The following FNIP1 variants were observed in gnomAD, a reference collection of about 807,000 sequenced individuals.
FNIP1 encodes the protein folliculin-interacting protein 1.
A neutral mutation model predicts 124.5 loss-of-function variants in FNIP1; 40 were observed. The ratio of observed to expected loss-of-function variants is 0.32; its 90% CI spans 0.25 to 0.42. The LOEUF is 0.42. Among genes scored for constraint, FNIP1 ranks in the 10% least tolerant of loss-of-function variants. FNIP1 has a pLI of 1.00. For synonymous variants in FNIP1, 472 were observed against 470.6 expected, an observed-to-expected ratio of 1.00 and a Z score of -0.04; for missense variants, 1,176 against 1,403.7, an observed-to-expected ratio of 0.84 and a Z score of 2.59.
Position 131,718,746 on chromosome 5 carries a change from G to A in FNIP1, c.530+240C>T, listed in dbSNP as rs1028692277. ...AAAAATCAGCATGTTGCCCTAAGAC[G>A]GAAATCCATTCAACATTCTACTTCC... On this transcript the variant is annotated intron_variant, in intron 5 of 17. Transcript: ENST00000510461. 2.8e-4 allele frequency among the ~76,000 whole-genome samples: 43 copies of A among 152,156 alleles called. 1 individual carries two copies. Among genetic ancestry groups the A allele is most frequent in the Non-Finnish European group, 5.4e-4 (37 of 68,034 alleles).
At chr5:131,754,903 G>C (rs575185379) in intron 1 of FNIP1, among the ~76,000 whole-genome samples, 1 of 152,324 alleles carries the variant, frequency 6.6e-6, no homozygotes, top group African/African-American at 2.4e-5. Flanking sequence ...AAGGGATAGA[G>C]CTAGATCTTA....
chr5:131,696,088 C>G (rs1037048261), intron 11 of FNIP1, among the ~76,000 whole-genome samples: 4 of 152,148 alleles, frequency 2.6e-5, no homozygotes, highest in Admixed American at 6.5e-5. Context: ...TCATCTCAAG[C>G]AAATAATCCT....
chr5:131,693,100 A>T (rs990778494), intron 11 of FNIP1, among the ~76,000 whole-genome samples: 4 of 151,026 alleles, frequency 2.6e-5, no homozygotes, highest in African/African-American at 4.9e-5. Flanking sequence ...ATATACTGGA[A>T]TATTGCTAAG....
At chr5:131,738,059 T>G (rs913737236) in intron 2 of FNIP1, among the ~76,000 whole-genome samples, 5 of 152,188 alleles carry the variant, frequency 3.3e-5, no homozygotes, top group Non-Finnish European at 7.4e-5. Context: ...TCAGTATAGG[T>G]TTTTTTGCTT....
chr5:131,765,159 T>C (rs1186504990), intron 1 of FNIP1, among the ~76,000 whole-genome samples: 1 of 152,026 alleles, frequency 6.6e-6, no homozygotes, highest in African/African-American at 2.4e-5. Context: ...GAGGTCCAGA[T>C]TGCAGTGAGC....
chr5:131,710,659 G>C lies in FNIP1; in HGVS notation c.625C>G (p.Leu209Val). Residue 209 changes from leucine (L) to valine (V), a missense_variant and splice_region_variant, in exon 7 of 18, where the codon CTT becomes GTT. By Grantham distance (32) the Leu-to-Val change is conservative. Transcript: ENST00000510461. ...CGCCTGGGGCTGCAGAACTGTGAAAGACCTACATGGCAAAAACGTAAAATA... is the reference window on the plus strand; with the variant it reads ...CGCCTGGGGCTGCAGAACTGTGAAACACCTACATGGCAAAAACGTAAAATA... Reference protein sequence around the residue: ...VINGLLGNIGLSQFCSPRRAF... With the variant: ...VINGLLGNIGVSQFCSPRRAF... The C allele has an allele frequency of 6.2e-7, 1 of 1,613,418 alleles. No homozygotes were observed. The highest frequency in any genetic ancestry group is 1.1e-5 in the South Asian group (1 of 90,924).
chr5:131,715,264 T>A (rs1769429094), intron 6 of FNIP1, among the ~76,000 whole-genome samples: 1 of 152,136 alleles, frequency 6.6e-6, no homozygotes, highest in African/African-American at 2.4e-5. Flanking sequence ...GGTGGGTGGA[T>A]CACCTGCGGT....
At position 131,796,856 on chromosome 5, in the gene FNIP1, G is replaced by T; in HGVS notation, c.66C>A (p.Asp22Glu). ...KRTGLGAPGR[D>E]ARDPDCGFSW... ...TGAACCCGCAATCTGGGTCCCGGGCGTCGCGGCCGGGCGCGCCCAGCCCGG... is the reference window on the plus strand; with the variant it reads ...TGAACCCGCAATCTGGGTCCCGGGCTTCGCGGCCGGGCGCGCCCAGCCCGG... The change falls in exon 1 of 18, where the codon GAC becomes GAA. Residue 22 changes from aspartate (D) to glutamate (E), a missense_variant. This residue lies in a region of FNIP1 where 1,109 missense variants were observed against 1,288.5 expected (regional missense o/e 0.86). Transcript: ENST00000510461. 1.2e-6 allele frequency: 2 copies of T among 1,604,220 alleles called. No homozygotes were observed. The highest frequency in any genetic ancestry group is 8.5e-7 in the Non-Finnish European group (1 of 1,176,154).
chr5:131,718,207 C>A lies in FNIP1; in HGVS notation c.530+779G>T, dbSNP rs1769535879. Among the ~76,000 whole-genome samples, 4 of 151,034 alleles carry A rather than the reference C, an allele frequency of 2.6e-5. No homozygotes were observed. The South Asian group carries it at 8.4e-4, about 32-fold the overall frequency. On this transcript the variant is annotated intron_variant, in intron 5 of 17. Coordinates refer to ENST00000510461, the MANE Select transcript of FNIP1 (RefSeq NM_133372.3). ...CCATCTCGAAAAAAAAAAAAAAAGA[C>A]TACCTCCCACTTTCCTTCCAAAGAG...
At chr5:131,653,027 G>A (rs1767085859) in intron 15 of FNIP1, among the ~76,000 whole-genome samples, 1 of 152,054 alleles carries the variant, frequency 6.6e-6, no homozygotes, top group Non-Finnish European at 1.5e-5. Flanking sequence ...TAAGTCAATG[G>A]TAAGATTCTG....
intron 1 of FNIP1, among the ~76,000 whole-genome samples, chr5:131,757,189 G>T (rs1771077912): frequency 6.6e-6 from 1 of 152,186 alleles, no homozygotes; most frequent in African/African-American, 2.4e-5. Flanking sequence ...GAGATCAAAG[G>T]ATATGAAGTT....
chr5:131,745,158 C>CAA (rs1172916159), intron 1 of FNIP1, among the ~76,000 whole-genome samples: 2 of 134,548 alleles, frequency 1.5e-5, no homozygotes, highest in Non-Finnish European at 1.6e-5. Flanking sequence ...AAAAACAAGC[C>CAA]AAAAAAAAAA....
intron 2 of FNIP1, among the ~76,000 whole-genome samples, chr5:131,741,370 T>C (rs1305582823): frequency 6.6e-6 from 1 of 152,192 alleles, no homozygotes; most frequent in African/African-American, 2.4e-5. Flanking sequence ...AAGACACTAT[T>C]TGAGCATGCA....
rs1770147108 is a variant in FNIP1, at chr5:131,732,887, G to C, written c.220-1849C>G. On this transcript the variant is annotated intron_variant, in intron 2 of 17. Transcript: ENST00000510461. ...GAAGAAAGTCATTGATAGCTTGATG[G>C]GGATGGCACTGAATCTATAAATTAC... Among the ~76,000 whole-genome samples, 3 of 152,250 alleles carry C rather than the reference G, an allele frequency of 2.0e-5. No homozygotes were observed. The South Asian group carries it at 6.2e-4, about 32-fold the overall frequency.
Position 131,794,229 on chromosome 5 carries a change from TAAAAAAA to T in FNIP1, c.92+2594_92+2600del, listed in dbSNP as rs60617618. Among the ~76,000 whole-genome samples, 140 of 48,456 alleles carry T rather than the reference TAAAAAAA, an allele frequency of 2.9e-3. 1 individual carries two copies. In the East Asian group the frequency reaches 0.046, roughly 16 times the overall value. 31.8% of individuals were successfully genotyped at this position (48,456 alleles called of 152,430 possible). A position where few individuals can be genotyped will look rare whatever the true frequency, so the allele number is the denominator to read the frequency against. The stretch of plus-strand genomic sequence containing the variant: ...CCTGAGCAACAAGTGAGACTCCATC[TAAAAAAA>T]AAAAAAAAAAAAAAAAAAGTAAATT... On this transcript the variant is annotated intron_variant, in intron 1 of 17. Coordinates refer to ENST00000510461, the MANE Select transcript of FNIP1 (RefSeq NM_133372.3).
intron 1 of FNIP1, among the ~76,000 whole-genome samples, chr5:131,745,367 A>G (rs927646414): frequency 5.3e-5 from 8 of 152,086 alleles, no homozygotes; most frequent in Non-Finnish European, 1.2e-4. Context: ...AAAAGTTAAC[A>G]AAATTCGCCA....
chr5:131,689,536 G>A (rs1768403800), intron 11 of FNIP1, among the ~76,000 whole-genome samples: 1 of 152,182 alleles, frequency 6.6e-6, no homozygotes, highest in South Asian at 2.1e-4. Flanking sequence ...GATGTGATGT[G>A]AGGGAGAAAT....
intron 15 of FNIP1, among the ~76,000 whole-genome samples, chr5:131,662,035 ACT>A (rs1270919977): frequency 6.6e-6 from 1 of 152,118 alleles, no homozygotes; most frequent in African/African-American, 2.4e-5. Context: ...ATGTGGGGAT[ACT>A]CTCTCTTGGT....
At chr5:131,746,687 C>T (rs1235447480) in intron 1 of FNIP1, among the ~76,000 whole-genome samples, 1 of 152,156 alleles carries the variant, frequency 6.6e-6, no homozygotes, top group Non-Finnish European at 1.5e-5. Flanking sequence ...TGATGGGACC[C>T]TCCCTAGGTT....
Sources: allele counts gnomAD v4.1 joint callset (sites outside exome capture counted in the v4.1 genomes callset), GRCh38; gene constraint gnomAD v4.1.1; regional missense constraint gnomAD v4.1.1; transcripts MANE v1.5; gene names NCBI Gene and HGNC (gene_info 2026-07-23, HGNC 2026-07-21).